DPH6: variants seen among roughly 807,000 people sequenced by gnomAD.
DPH6 encodes diphthine--ammonia ligase.
In DPH6, 33 loss-of-function variants were observed where a neutral mutation model predicts 38.2. The observed-to-expected ratio is 0.86, with a 90% CI of 0.65 to 1.15. The LOEUF is 1.15. Ranked by LOEUF, DPH6 falls within the 50% of genes most tolerant of loss-of-function variation. The probability of loss-of-function intolerance (pLI) is 0.00; values close to 1 mark genes in which losing one functional copy is unlikely to be tolerated. For synonymous variants in DPH6, 108 were observed against 103.0 expected (o/e 1.05, Z -0.30); for missense variants, 325 against 320.0 (o/e 1.02, Z -0.12).
chr15:35,429,887 G>A (rs1246457635), intron 5 of DPH6, among the ~76,000 whole-genome samples: 2 of 151,994 alleles, frequency 1.3e-5, no homozygotes, highest in African/African-American at 2.4e-5. Context: ...TAATATTTAC[G>A]AGTTAGAGTT....
chr15:35,219,833 C>G (rs2051431137), exon 4 of DPH6: 1 of 152,152 alleles, frequency 6.6e-6, no homozygotes, highest in African/African-American at 2.4e-5. Context: ...GTTAACATCA[C>G]AAACAATAGG....
Position 35,382,361 on chromosome 15 carries a change from G to A in DPH6, c.568-445C>T, listed in dbSNP as rs1440826920. On this transcript the variant is annotated intron_variant, in intron 6 of 8. Coordinates refer to ENST00000256538, the MANE Select transcript of DPH6 (RefSeq NM_080650.4). ...CGAGGCGGGAGAATGGCGTAAACCC[G>A]GGAGACGGAGCTCAGCCGAGTTTGC... Among the ~76,000 whole-genome samples, 15 of 152,166 alleles carry A rather than the reference G, an allele frequency of 9.9e-5. No homozygotes were observed. In the South Asian group the frequency reaches 1.7e-3, roughly 17 times the overall value.
At chr15:35,345,707 T>C (rs1447820748) in intron 3 of DPH6, among the ~76,000 whole-genome samples, 1 of 151,990 alleles carries the variant, frequency 6.6e-6, no homozygotes, top group Non-Finnish European at 1.5e-5. Flanking sequence ...CTTCCTGGCA[T>C]GATCAGGTTT....
At chr15:35,423,901 G>T (rs909336374) in intron 5 of DPH6, among the ~76,000 whole-genome samples, 1 of 151,474 alleles carries the variant, frequency 6.6e-6, no homozygotes, top group African/African-American at 2.4e-5. Context: ...TTATTTCTAG[G>T]CTCTCTATTC....
At chr15:35,220,290 C>T (rs1055696721) in exon 4 of DPH6, 2 of 152,144 alleles carry the variant, frequency 1.3e-5, no homozygotes, top group Admixed American at 6.5e-5. Flanking sequence ...ACCTCCCAAC[C>T]TCTCCCCACA....
At chr15:35,376,610 C>G (rs181962792) in intron 7 of DPH6, among the ~76,000 whole-genome samples, 1 of 152,274 alleles carries the variant, frequency 6.6e-6, no homozygotes, top group African/African-American at 2.4e-5. Context: ...CACTCACTCA[C>G]TGACTCACCC....
chr15:35,512,040 G>T (rs567265407), intron 3 of DPH6, among the ~76,000 whole-genome samples: 16 of 152,216 alleles, frequency 1.1e-4, no homozygotes, highest in African/African-American at 3.9e-4. Flanking sequence ...GAAGCATAAA[G>T]TATTTTCTAT....
rs1455369343 is a variant in DPH6 at position 35,257,311 on chromosome 15, T to C, written n.201-36729A>G. Among the ~76,000 whole-genome samples, 3 of 152,228 alleles carry C rather than the reference T, an allele frequency of 2.0e-5. No homozygotes were observed. The East Asian group carries it at 5.8e-4, about 29-fold the overall frequency. ...TCTCAGGGAGGGTAAAAAGTCTAGTTAGAGAAATACCACATCTGGCAGTTG... is the reference window on the plus strand; with the variant it reads ...TCTCAGGGAGGGTAAAAAGTCTAGTCAGAGAAATACCACATCTGGCAGTTG... On this transcript the variant is annotated intron_variant and non_coding_transcript_variant, in intron 3 of 3. Transcript: ENST00000560386.
chr15:35,356,433 G>C (rs2140900085), intron 3 of DPH6, among the ~76,000 whole-genome samples: 1 of 152,252 alleles, frequency 6.6e-6, no homozygotes, highest in Admixed American at 6.5e-5. Flanking sequence ...TTTGGTCTTT[G>C]ATGATGGTGA....
chr15:35,216,370 T>A (rs142234724), downstream of DPH6, among the ~76,000 whole-genome samples: 415 of 152,366 alleles, frequency 2.7e-3, 1 homozygote, highest in African/African-American at 9.5e-3. Context: ...ATATACTTGG[T>A]AGCTTAATTA....
rs200579531 is a variant in DPH6 at position 35,237,889 on chromosome 15, CGAGGAG to C, written n.201-17313_201-17308del. 989 of 1,438,298 alleles carry C rather than the reference CGAGGAG, an allele frequency of 6.9e-4. 6 individuals are homozygous for C. In the African/African-American group the frequency reaches 0.012, roughly 17 times the overall value. 89.1% of individuals were successfully genotyped at this position (1,438,298 alleles called of 1,614,324 possible). A position where few individuals can be genotyped will look rare whatever the true frequency, so the allele number is the denominator to read the frequency against. On this transcript the variant is annotated intron_variant and non_coding_transcript_variant, in intron 3 of 3. Coordinates refer to the DPH6 transcript ENST00000560386. ...ACGAAGATGCTCAGGTAGTGGAGGA[CGAGGAG>C]GAGGAGGAAGGTGAAGAGGAGGACG...
intron 3 of DPH6, among the ~76,000 whole-genome samples, chr15:35,481,201 T>A (rs1306942320): frequency 6.6e-6 from 1 of 152,184 alleles, no homozygotes; most frequent in East Asian, 1.9e-4. Flanking sequence ...TATACCAGTA[T>A]GTGGTATACC....
chr15:35,378,008 T>G (rs1263583373), intron 7 of DPH6, among the ~76,000 whole-genome samples: 1 of 152,068 alleles, frequency 6.6e-6, no homozygotes, highest in Non-Finnish European at 1.5e-5. Flanking sequence ...GTGTTGTGAT[T>G]ACAGGCGTGA....
chr15:35,350,614 A>T (rs568863981), intron 3 of DPH6, among the ~76,000 whole-genome samples: 1 of 152,178 alleles, frequency 6.6e-6, no homozygotes, highest in Admixed American at 6.5e-5. Flanking sequence ...TGCATCCAAT[A>T]AGTTTGGCTA....
At chr15:35,205,485 A>G in the DPH6 span, among the ~76,000 whole-genome samples, 10 of 152,164 alleles carry the variant, frequency 6.6e-5, no homozygotes, top group African/African-American at 2.4e-4. Flanking sequence ...AAATTAAATA[A>G]AACTTGGCCA....
At chr15:35,324,074 T>C (rs751677983) in intron 3 of DPH6, among the ~76,000 whole-genome samples, 49 of 152,136 alleles carry the variant, frequency 3.2e-4, no homozygotes, top group Non-Finnish European at 6.6e-4. Flanking sequence ...TTTGACCTTG[T>C]TAACTTCTAG....
chr15:35,438,260 T>TGTTC, intron 5 of DPH6, among the ~76,000 whole-genome samples: 8 of 142,704 alleles, frequency 5.6e-5, no homozygotes, highest in Admixed American at 6.8e-5. Context: ...AGATCATTTC[T>TGTTC]TTTCTTTCTT....
the DPH6 span, among the ~76,000 whole-genome samples, chr15:35,200,250 T>A: frequency 6.6e-6 from 1 of 152,038 alleles, no homozygotes; most frequent in African/African-American, 2.4e-5. Flanking sequence ...CCCAGGAAGA[T>A]TACAGAATTC....
At chr15:35,522,975 A>G (rs1164849005) in intron 3 of DPH6, among the ~76,000 whole-genome samples, 2 of 152,090 alleles carry the variant, frequency 1.3e-5, no homozygotes, top group East Asian at 3.9e-4. Context: ...TAGATATGTC[A>G]TAATTTACAT....
Sources: gnomAD v4.1 joint callset for allele counts (sites outside exome capture counted in the v4.1 genomes callset) on GRCh38, gnomAD v4.1.1 for gene constraint, MANE v1.5 for transcripts, NCBI Gene and HGNC (gene_info 2026-07-23, HGNC 2026-07-21) for gene names.